Variants in SLC2A10 observed in about 807,000 individuals in gnomAD.
SLC2A10 encodes solute carrier family 2 member 10.
SLC2A10 carries 25 observed loss-of-function variants against 32.1 expected under a neutral mutation model. The observed-to-expected ratio is 0.78, with a 90% CI of 0.57 to 1.09. SLC2A10 has a LOEUF of 1.09. SLC2A10 is among the 50% of genes least tolerant of loss of function. SLC2A10 has a pLI of 0.00. For synonymous variants in SLC2A10, 332 were observed against 309.6 expected (o/e 1.07, Z -0.76); for missense variants, 673 against 686.5 (o/e 0.98, Z 0.22).
intron 1 of SLC2A10, among the ~76,000 whole-genome samples, chr20:46,720,679 C>T (rs1979502379): frequency 6.6e-6 from 1 of 152,128 alleles, no homozygotes; most frequent in Admixed American, 6.5e-5. Context: ...CTTGTGCTCG[C>T]TCGTCATGTA....
At chr20:46,732,485 C>T (rs1980351427) in intron 4 of SLC2A10, among the ~76,000 whole-genome samples, 1 of 152,060 alleles carries the variant, frequency 6.6e-6, no homozygotes, top group Non-Finnish European at 1.5e-5. Flanking sequence ...GACTACAAAA[C>T]TCAAAAATGC....
At chr20:46,709,900 C>A (rs111466444) in intron 1 of SLC2A10, 160 bp downstream of exon 1, 5 of 756,426 alleles carry the variant, frequency 6.6e-6, no homozygotes, top group South Asian at 1.8e-5. Flanking sequence ...TGCAGGCCTG[C>A]GGCGGGGGCT....
intron 1 of SLC2A10, among the ~76,000 whole-genome samples, chr20:46,719,262 A>C (rs1004764448): frequency 2.0e-5 from 3 of 151,964 alleles, no homozygotes; most frequent in African/African-American, 7.3e-5. Flanking sequence ...TTTGCACTAG[A>C]TCTGCAGCAA....
At chr20:46,728,111 G>A (rs1980076538) in intron 3 of SLC2A10, among the ~76,000 whole-genome samples, 1 of 152,122 alleles carries the variant, frequency 6.6e-6, no homozygotes, top group African/African-American at 2.4e-5. Flanking sequence ...AGGGAGGGAG[G>A]GAGGAAGGAA....
chr20:46,734,383 A>T lies in SLC2A10; in HGVS notation c.*549A>T, dbSNP rs1049861979. 1 of 172,088 alleles carries T rather than the reference A, an allele frequency of 5.8e-6. No individual in the cohort carries two copies. Among genetic ancestry groups the T allele is most frequent in the African/African-American group, 2.4e-5 (1 of 41,316 alleles). 10.7% of individuals were successfully genotyped at this position (172,088 alleles called of 1,614,324 possible). A position where few individuals can be genotyped will look rare whatever the true frequency, so the allele number is the denominator to read the frequency against. On this transcript the variant is annotated 3_prime_UTR_variant, in exon 5 of 5. Transcript: ENST00000359271. ...AACCTCCACCTCCTGAGTTCAAGCG[A>T]TTCTTGTGCCTCAGCCTCCTAAGCA... is the stretch of plus-strand genomic sequence containing the variant.
At chr20:46,724,681 T>G (rs1344454009) in intron 1 of SLC2A10, among the ~76,000 whole-genome samples, 3 of 143,262 alleles carry the variant, frequency 2.1e-5, no homozygotes, top group Non-Finnish European at 4.6e-5. Context: ...ATGGTTGGAG[T>G]GGATGGATAG....
At chr20:46,718,302 T>C (rs759846366) in intron 1 of SLC2A10, among the ~76,000 whole-genome samples, 4 of 152,234 alleles carry the variant, frequency 2.6e-5, no homozygotes, top group African/African-American at 9.6e-5. Context: ...CCTGTGTTGT[T>C]TGGATTTCTG....
intron 1 of SLC2A10, among the ~76,000 whole-genome samples, chr20:46,712,368 C>T (rs1978960796): frequency 6.6e-6 from 1 of 152,164 alleles, no homozygotes; most frequent in African/African-American, 2.4e-5. Flanking sequence ...AACGGGAGGC[C>T]TAGGACTTGC....
chr20:46,732,226 T>C (rs1980339625), intron 4 of SLC2A10, among the ~76,000 whole-genome samples: 1 of 152,218 alleles, frequency 6.6e-6, no homozygotes, highest in Admixed American at 6.5e-5. Context: ...GAAATGTTGT[T>C]TATTTTGCCT....
chr20:46,715,304 A>G (rs1422811397), intron 1 of SLC2A10, among the ~76,000 whole-genome samples: 3 of 152,052 alleles, frequency 2.0e-5, no homozygotes, highest in Non-Finnish European at 4.4e-5. Context: ...ACCTGCACTG[A>G]TGTGTTTTCC....
At chr20:46,717,196 A>G (rs1424879927) in intron 1 of SLC2A10, among the ~76,000 whole-genome samples, 1 of 152,184 alleles carries the variant, frequency 6.6e-6, no homozygotes, top group East Asian at 1.9e-4. Flanking sequence ...AACATAGAAA[A>G]TGTAACACTC....
In SLC2A10 at chr20:46,726,332, G is replaced by T. The variant is rs776815492; in HGVS notation, c.1288+8G>T. The T allele has an allele frequency of 6.2e-7, 1 of 1,605,710 alleles. No individual in the cohort carries two copies. Among genetic ancestry groups the T allele is most frequent in the South Asian group, 1.1e-5 (1 of 91,052 alleles). On this transcript the variant is annotated splice_region_variant and intron_variant, in intron 2 of 4. Coordinates refer to ENST00000359271, the MANE Select transcript of SLC2A10 (RefSeq NM_030777.4). ...CCTTTGGGTTTGGGCCAGGTAAGTG[G>T]AGTTTTCTTGCAGGTGACTCTGGAG...
chr20:46,725,804 C>G lies in SLC2A10; in HGVS notation c.768C>G (p.Thr256=). The change falls in exon 2 of 5, where the codon ACC becomes ACG. Residue 256 remains threonine (T), a synonymous_variant. Coordinates refer to ENST00000359271, the MANE Select transcript of SLC2A10 (RefSeq NM_030777.4). The part of the protein sequence containing the change: ...GQPNVLCYAS[T]IFSSVGFHGG... ...CCAACGTGCTGTGCTATGCCTCCAC[C>G]ATCTTCAGCTCCGTTGGTTTCCATG... The G allele has an allele frequency of 6.2e-7, 1 of 1,614,242 alleles. No homozygotes were observed. The highest frequency in any genetic ancestry group is 1.6e-4 in the Middle Eastern group (1 of 6,062).
chr20:46,717,457 T>C (rs1979315794), intron 1 of SLC2A10, among the ~76,000 whole-genome samples: 1 of 152,120 alleles, frequency 6.6e-6, no homozygotes, highest in Non-Finnish European at 1.5e-5. Flanking sequence ...GCAATCTCGG[T>C]TCACTACAAC....
chr20:46,708,360 G>C (rs1205449322), upstream of SLC2A10, among the ~76,000 whole-genome samples: 1 of 152,204 alleles, frequency 6.6e-6, no homozygotes, highest in East Asian at 1.9e-4. Flanking sequence ...TGAGTGCTGG[G>C]CTTGTACGTG....
chr20:46,733,617 T>C (rs1474649425), intron 4 of SLC2A10, 139 bp from the exon 5 acceptor site: 5 of 740,570 alleles, frequency 6.8e-6, no homozygotes, highest in Non-Finnish European at 9.7e-6. Context: ...TGGACATTTG[T>C]AATAAGGCAG....
intron 1 of SLC2A10, among the ~76,000 whole-genome samples, chr20:46,710,895 T>A (rs907901330): frequency 6.6e-6 from 1 of 152,126 alleles, no homozygotes; most frequent in African/African-American, 2.4e-5. Flanking sequence ...TTTCTTTTTT[T>A]TGAGATGATC....
At chr20:46,723,386 C>A (rs1979669668) in intron 1 of SLC2A10, among the ~76,000 whole-genome samples, 1 of 152,078 alleles carries the variant, frequency 6.6e-6, no homozygotes, top group Non-Finnish European at 1.5e-5. Context: ...TAGTAGCCAC[C>A]AATAGCTGTG....
At chr20:46,732,953 G>A (rs959009399) in intron 4 of SLC2A10, among the ~76,000 whole-genome samples, 2 of 152,160 alleles carry the variant, frequency 1.3e-5, no homozygotes, top group Non-Finnish European at 2.9e-5. Context: ...GGAGAGACAG[G>A]AGGCCTATGT....
Sources: gnomAD v4.1 joint callset for allele counts (sites outside exome capture counted in the v4.1 genomes callset) on GRCh38, gnomAD v4.1.1 for gene constraint, MANE v1.5 for transcripts, NCBI Gene and HGNC (gene_info 2026-07-23, HGNC 2026-07-21) for gene names.